The following FARS2 variants were observed in gnomAD, a reference collection of about 807,000 sequenced individuals.
FARS2 encodes the protein phenylalanyl-tRNA synthetase 2, mitochondrial, also known as phenylalanine--tRNA ligase, mitochondrial.
A neutral mutation model predicts 46.4 loss-of-function variants in FARS2; 40 were observed. That is an observed-to-expected ratio of 0.86 (90% confidence interval 0.67 to 1.12). The LOEUF is 1.12. Among genes scored for constraint, FARS2 ranks in the 50% most tolerant of loss-of-function variants. The probability of loss-of-function intolerance (pLI) is 0.00; values close to 1 mark genes in which losing one functional copy is unlikely to be tolerated. For synonymous variants in FARS2, 234 were observed against 214.9 expected, an observed-to-expected ratio of 1.09 and a Z score of -0.78; for missense variants, 513 against 567.9, an observed-to-expected ratio of 0.90 and a Z score of 0.98.
chr6:5,522,860 A>G (rs1264966464), intron 4 of FARS2, among the ~76,000 whole-genome samples: 1 of 152,152 alleles, frequency 6.6e-6, no homozygotes, highest in Non-Finnish European at 1.5e-5. Context: ...ATGATGTGCT[A>G]CTCTAATTTG....
At chr6:5,679,322 T>C (rs73718359) in intron 6 of FARS2, among the ~76,000 whole-genome samples, 1,981 of 152,302 alleles carry the variant, frequency 0.013, 50 homozygotes, top group African/African-American at 0.045. Flanking sequence ...TGGAACATAA[T>C]TGCGACCAAA....
chr6:5,701,869 A>T (rs554565497), intron 6 of FARS2, among the ~76,000 whole-genome samples: 214 of 152,330 alleles, frequency 1.4e-3, no homozygotes, highest in Non-Finnish European at 2.6e-3. Context: ...TTGAGTCGTG[A>T]TGCTTTTCAT....
intron 1 of FARS2, among the ~76,000 whole-genome samples, chr6:5,325,921 A>G (rs1270794692): frequency 7.2e-5 from 11 of 152,210 alleles, no homozygotes; most frequent in Non-Finnish European, 7.3e-5. Context: ...GAAAGCATAC[A>G]TTTTTAAGCA....
At chr6:5,617,275 T>C (rs1034549922) in intron 6 of FARS2, among the ~76,000 whole-genome samples, 1 of 152,258 alleles carries the variant, frequency 6.6e-6, no homozygotes, top group Non-Finnish European at 1.5e-5. Context: ...GATTAGAAAT[T>C]TGAAAACATT....
At chr6:5,474,397 A>T (rs767142895) in intron 4 of FARS2, among the ~76,000 whole-genome samples, 9 of 152,208 alleles carry the variant, frequency 5.9e-5, no homozygotes, top group Non-Finnish European at 1.0e-4. Context: ...ATATACAGTC[A>T]TGCATCACTT....
chr6:5,719,470 A>AAAGAG (rs1334743760), intron 6 of FARS2, among the ~76,000 whole-genome samples: 2 of 90,138 alleles, frequency 2.2e-5, no homozygotes, highest in African/African-American at 4.7e-5. Flanking sequence ...AAAGAGAAGA[A>AAAGAG]AAGAAAAAAG....
intron 6 of FARS2, among the ~76,000 whole-genome samples, chr6:5,690,047 C>A (rs1353212923): frequency 1.3e-5 from 2 of 152,044 alleles, no homozygotes; most frequent in Non-Finnish European, 2.9e-5. Flanking sequence ...TTTCCATGTG[C>A]TTGGTAGATC....
chr6:5,621,255 T>C (rs1420706627), intron 6 of FARS2, among the ~76,000 whole-genome samples: 1 of 138,550 alleles, frequency 7.2e-6, no homozygotes, highest in Non-Finnish European at 1.6e-5. Context: ...CTTGGCTAAC[T>C]TTTTTTTTTT....
At chr6:5,444,239 T>C (rs1000788999) in intron 4 of FARS2, among the ~76,000 whole-genome samples, 35 of 151,936 alleles carry the variant, frequency 2.3e-4, no homozygotes, top group Middle Eastern at 6.8e-3. Context: ...GAGGCCAATG[T>C]GGGCGGATCA....
At chr6:5,301,802 T>TACACACAC (rs143654686) in intron 1 of FARS2, among the ~76,000 whole-genome samples, 1,695 of 132,390 alleles carry the variant, frequency 0.013, 26 homozygotes, top group East Asian at 0.031. Flanking sequence ...CACACACACA[T>TACACACAC]ACACACACAC....
At chr6:5,516,209 C>G (rs951720348) in intron 4 of FARS2, among the ~76,000 whole-genome samples, 1 of 152,160 alleles carries the variant, frequency 6.6e-6, no homozygotes, top group Non-Finnish European at 1.5e-5. Flanking sequence ...AATGTCTCTG[C>G]CCAGAAGGGA....
intron 5 of FARS2, among the ~76,000 whole-genome samples, chr6:5,549,693 T>C (rs1771257056): frequency 1.3e-5 from 2 of 152,314 alleles, no homozygotes; most frequent in Non-Finnish European, 2.9e-5. Flanking sequence ...ATTAATTCTC[T>C]AATACAAAAG....
intron 4 of FARS2, among the ~76,000 whole-genome samples, chr6:5,436,981 A>C (rs1763560414): frequency 6.6e-6 from 1 of 152,216 alleles, no homozygotes; most frequent in Admixed American, 6.5e-5. Flanking sequence ...ATACGTATAC[A>C]CCAGTGAAAC....
chr6:5,370,097 A>G (rs1758956877), intron 2 of FARS2, among the ~76,000 whole-genome samples: 1 of 152,216 alleles, frequency 6.6e-6, no homozygotes, highest in Admixed American at 6.5e-5. Flanking sequence ...TATTATCGTC[A>G]CAAAACTCTC....
intron 1 of FARS2, among the ~76,000 whole-genome samples, chr6:5,357,349 A>C (rs1757997633): frequency 6.6e-6 from 1 of 152,242 alleles, no homozygotes; most frequent in Admixed American, 6.5e-5. Flanking sequence ...ATTCCTTTTA[A>C]GGATAGACAT....
At chr6:5,385,836 G>A (rs931170389) in intron 2 of FARS2, among the ~76,000 whole-genome samples, 1 of 152,168 alleles carries the variant, frequency 6.6e-6, no homozygotes, top group African/African-American at 2.4e-5. Context: ...ATGTGAGGCT[G>A]TATTCATCAC....
intron 6 of FARS2, among the ~76,000 whole-genome samples, chr6:5,645,467 C>T (rs1241855297): frequency 7.2e-5 from 11 of 152,192 alleles, no homozygotes; most frequent in Admixed American, 7.2e-4. Flanking sequence ...CCTCCTCTGT[C>T]CCCACACACA....
intron 2 of FARS2, among the ~76,000 whole-genome samples, chr6:5,373,645 A>G (rs1183512899): frequency 6.6e-6 from 1 of 152,100 alleles, no homozygotes; most frequent in African/African-American, 2.4e-5. Flanking sequence ...TTTGTTGAAC[A>G]GTGTGTGTGG....
intron 4 of FARS2, among the ~76,000 whole-genome samples, chr6:5,478,013 C>A (rs1259089533): frequency 6.6e-6 from 1 of 152,110 alleles, no homozygotes; most frequent in Non-Finnish European, 1.5e-5. Flanking sequence ...GAGCGAGACC[C>A]TGTCTCAGAA....
Sources: gnomAD v4.1 joint callset for allele counts (sites outside exome capture counted in the v4.1 genomes callset) on GRCh38, gnomAD v4.1.1 for gene constraint, MANE v1.5 for transcripts, NCBI Gene and HGNC (gene_info 2026-07-23, HGNC 2026-07-21) for gene names.